The following PTPRM variants were observed in gnomAD, a reference collection of about 807,000 sequenced individuals.
PTPRM encodes protein tyrosine phosphatase receptor type M.
In PTPRM, 47 loss-of-function variants were observed where a neutral mutation model predicts 186.7. The ratio of observed to expected loss-of-function variants is 0.25; its 90% CI spans 0.20 to 0.32. The LOEUF (loss-of-function observed/expected upper bound fraction) is 0.32, where lower values mean the gene tolerates loss of function less well. PTPRM is among the 10% of genes least tolerant of loss of function. The pLI, the probability that PTPRM is intolerant of heterozygous loss-of-function variation, is 1.00. For missense variants in PTPRM, 1,494 were observed against 1,865.0 expected, an observed-to-expected ratio of 0.80 and a Z score of 3.66; for synonymous variants, 668 against 674.9, an observed-to-expected ratio of 0.99 and a Z score of 0.16.
At chr18:7,646,712 C>A (rs2038572887) in intron 1 of PTPRM, among the ~76,000 whole-genome samples, 1 of 152,138 alleles carries the variant, frequency 6.6e-6, no homozygotes, top group Non-Finnish European at 1.5e-5. Flanking sequence ...CTTACCTGAG[C>A]AGGGACTGCT....
intron 24 of PTPRM, among the ~76,000 whole-genome samples, chr18:8,375,077 C>T (rs1427711172): frequency 6.6e-6 from 1 of 152,220 alleles, no homozygotes; most frequent in East Asian, 1.9e-4. Context: ...CTTTAAAACA[C>T]AGTCTTAATA....
In PTPRM at chr18:8,070,131, G is replaced by C. The variant is rs2089371259; in HGVS notation, c.1441+137G>C. ...CAACACAAATGTGTATCTGTACTCT[G>C]TATTCTTAAGCGCTGATTGAAAGAG... On this transcript the variant is annotated intron_variant, in intron 8 of 32. Coordinates refer to ENST00000580170, the MANE Select transcript of PTPRM (RefSeq NM_001105244.2). 3.9e-6 allele frequency: 3 copies of C among 763,784 alleles called. No individual in the cohort carries two copies. In the African/African-American group the frequency reaches 5.3e-5, roughly 13 times the overall value. 47.3% of individuals were successfully genotyped at this position (763,784 alleles called of 1,614,324 possible).
intron 2 of PTPRM, chr18:7,814,244 C>G (rs1050040011): frequency 2.6e-5 from 4 of 152,270 alleles, no homozygotes; most frequent in African/African-American, 9.7e-5. Context: ...TGGCAGCCTC[C>G]TGCAACAAAC....
chr18:7,721,250 C>T (rs2040441075), intron 1 of PTPRM, among the ~76,000 whole-genome samples: 1 of 148,346 alleles, frequency 6.7e-6, no homozygotes, highest in South Asian at 2.1e-4. Flanking sequence ...TTTTTATATT[C>T]TTTTTGGCCA....
Position 8,001,117 on chromosome 18 carries a change from A to C in PTPRM, c.1132+45703A>C, listed in dbSNP as rs150631547. ...TTGAAGGAGAGCAGGGTAACATGCTACATTCAGCATGTGCCTGAAGTCATG... is the reference window on the plus strand; with the variant it reads ...TTGAAGGAGAGCAGGGTAACATGCTCCATTCAGCATGTGCCTGAAGTCATG... On this transcript the variant is annotated intron_variant, in intron 7 of 32. Coordinates refer to ENST00000580170, the MANE Select transcript of PTPRM (RefSeq NM_001105244.2). 9.5e-3 allele frequency among the ~76,000 whole-genome samples: 1,445 copies of C among 152,322 alleles called. 7 individuals carry two copies. The highest frequency in any genetic ancestry group is 0.033 in the South Asian group (158 of 4,824).
At chr18:8,379,016 A>G in intron 27 of PTPRM, 151 bp from the exon 28 acceptor site, 1 of 595,648 alleles carries the variant, frequency 1.7e-6, no homozygotes, top group Non-Finnish European at 2.7e-6. Context: ...AGCAAAAGAA[A>G]GAAAACTCGA....
At chr18:7,629,448 G>A (rs1243942298) in intron 1 of PTPRM, among the ~76,000 whole-genome samples, 1 of 152,096 alleles carries the variant, frequency 6.6e-6, no homozygotes, top group Non-Finnish European at 1.5e-5. Context: ...ATTTAGGGTG[G>A]GGCCTGAACA....
At chr18:8,076,374 G>C in intron 8 of PTPRM, 81 bp from the exon 9 acceptor site, 1 of 788,256 alleles carries the variant, frequency 1.3e-6, no homozygotes, top group Non-Finnish European at 2.1e-6. Flanking sequence ...TCTCTCAATA[G>C]AAGGTTAAAA....
At chr18:7,855,335 A>G (rs1244171778) in intron 2 of PTPRM, among the ~76,000 whole-genome samples, 1 of 152,212 alleles carries the variant, frequency 6.6e-6, no homozygotes, top group Non-Finnish European at 1.5e-5. Context: ...CCTGTGGCTC[A>G]GGGGGCCTTG....
At chr18:8,076,586 A>C (rs1568301467) in intron 9 of PTPRM, 22 bp downstream of exon 9, 1 of 1,241,398 alleles carries the variant, frequency 8.1e-7, no homozygotes, top group Non-Finnish European at 1.2e-6. Flanking sequence ...GTTTGTTAGT[A>C]ATTTTTAATT....
chr18:8,259,972 A>T (rs189641626), intron 19 of PTPRM, among the ~76,000 whole-genome samples: 27 of 152,038 alleles, frequency 1.8e-4, no homozygotes, highest in Admixed American at 1.7e-3. Context: ...CTTGCCTCCT[A>T]CCTCAGTGAA....
chr18:7,960,816 A>C (rs1230285275), intron 7 of PTPRM, among the ~76,000 whole-genome samples: 1 of 152,138 alleles, frequency 6.6e-6, no homozygotes, highest in Admixed American at 6.5e-5. Context: ...ACAGTGTCAG[A>C]TAAATGATAA....
intron 9 of PTPRM, among the ~76,000 whole-genome samples, chr18:8,078,215 TAGGTGGAGTCTC>T (rs1399778022): frequency 6.6e-6 from 1 of 152,138 alleles, no homozygotes; most frequent in Non-Finnish European, 1.5e-5. Context: ...AGGTAGGTCT[TAGGTGGAGTCTC>T]AGGAGGAGCT....
intron 14 of PTPRM, among the ~76,000 whole-genome samples, chr18:8,242,511 C>G (rs755689498): frequency 6.6e-6 from 1 of 152,128 alleles, no homozygotes. Flanking sequence ...ATGATCCCCA[C>G]GGGGCAAGAG....
At chr18:7,701,081 G>A (rs749664280) in intron 1 of PTPRM, among the ~76,000 whole-genome samples, 7 of 151,852 alleles carry the variant, frequency 4.6e-5, no homozygotes, top group South Asian at 2.1e-4. Flanking sequence ...CTAGGCGGGC[G>A]GATCATGAGG....
chr18:8,247,143 T>G (rs920130637), intron 15 of PTPRM, among the ~76,000 whole-genome samples: 1 of 152,176 alleles, frequency 6.6e-6, no homozygotes, highest in Admixed American at 6.5e-5. Context: ...CTATCAAGGC[T>G]CTGTCATCCA....
At chr18:8,254,800 C>T (rs1170838692) in intron 19 of PTPRM, among the ~76,000 whole-genome samples, 3 of 152,190 alleles carry the variant, frequency 2.0e-5, no homozygotes, top group Non-Finnish European at 4.4e-5. Flanking sequence ...CCACTGTTGG[C>T]GGAGCCTGTG....
chr18:8,403,178 G>A (rs1255287987), intron 32 of PTPRM: 1 of 152,140 alleles, frequency 6.6e-6, no homozygotes, highest in Non-Finnish European at 1.5e-5. Context: ...AAGAACAACT[G>A]GATTCATGTT....
chr18:7,983,281 T>C (rs973718578), intron 7 of PTPRM, among the ~76,000 whole-genome samples: 7 of 152,084 alleles, frequency 4.6e-5, no homozygotes, highest in Admixed American at 4.6e-4. Context: ...GGGATCTAAG[T>C]TGCAAGCTCC....
Sources: gnomAD v4.1 joint callset for allele counts (sites outside exome capture counted in the v4.1 genomes callset) on GRCh38, gnomAD v4.1.1 for gene constraint, MANE v1.5 for transcripts, NCBI Gene and HGNC (gene_info 2026-07-23, HGNC 2026-07-21) for gene names.